The following MCTP1 variants were observed in gnomAD, a reference collection of about 807,000 sequenced individuals.
MCTP1 encodes the protein multiple C2 and transmembrane domain-containing protein 1.
Under a neutral mutation model 120.6 loss-of-function variants are expected in MCTP1, and 69 were observed. The observed-to-expected ratio is 0.57, with a 90% CI of 0.47 to 0.70. MCTP1 has a LOEUF of 0.70. Among genes scored for constraint, MCTP1 ranks in the 30% least tolerant of loss-of-function variants. The pLI, the probability that MCTP1 is intolerant of heterozygous loss-of-function variation, is 0.00. For synonymous variants in MCTP1, 529 were observed against 493.1 expected, an observed-to-expected ratio of 1.07 and a Z score of -0.96; for missense variants, 1,203 against 1,248.8, an observed-to-expected ratio of 0.96 and a Z score of 0.55.
intron 8 of MCTP1, among the ~76,000 whole-genome samples, chr5:94,913,593 A>G (rs1382254192): frequency 6.6e-6 from 1 of 152,214 alleles, no homozygotes; most frequent in Non-Finnish European, 1.5e-5. Flanking sequence ...AACTTTCATC[A>G]CAAATATTTA....
At chr5:94,999,177 C>G (rs1239127016) in intron 2 of MCTP1, among the ~76,000 whole-genome samples, 2 of 152,050 alleles carry the variant, frequency 1.3e-5, no homozygotes, top group Non-Finnish European at 2.9e-5. Flanking sequence ...TTCCTATAGG[C>G]AAAATACATA....
intron 17 of MCTP1, among the ~76,000 whole-genome samples, chr5:94,835,861 G>A (rs1179431125): frequency 2.6e-5 from 4 of 152,134 alleles, no homozygotes; most frequent in South Asian, 2.1e-4. Flanking sequence ...AAAATTAGCC[G>A]GGTGTGGTGG....
chr5:94,937,845 G>T (rs1486131008), intron 5 of MCTP1, among the ~76,000 whole-genome samples: 1 of 151,826 alleles, frequency 6.6e-6, no homozygotes, highest in Non-Finnish European at 1.5e-5. Context: ...CACCACAATC[G>T]CTGCTATATC....
rs200448737 is a variant in MCTP1, at chr5:94,986,985, A to G, written c.838+30382T>C. On this transcript the variant is annotated intron_variant, in intron 2 of 22. Transcript: ENST00000515393. ...CTACATGCATCCTCTGTATACTTCA[A>G]ATCATCTCTAGATTACTTACAATGC... 9.2e-5 allele frequency among the ~76,000 whole-genome samples: 14 copies of G among 152,256 alleles called. No individual in the cohort carries two copies. In the East Asian group the frequency reaches 1.5e-3, roughly 17 times the overall value.
chr5:94,844,157 G>C (rs1791747692), intron 17 of MCTP1, among the ~76,000 whole-genome samples: 1 of 151,904 alleles, frequency 6.6e-6, no homozygotes. Flanking sequence ...ACAAAACTTA[G>C]CAGGGTGTAG....
Position 94,759,972 on chromosome 5 carries a change from GT to G in MCTP1, c.2610+19137del, listed in dbSNP as rs369341021. Among the ~76,000 whole-genome samples, 892 of 115,408 alleles carry G rather than the reference GT, an allele frequency of 7.7e-3. 10 individuals are homozygous for G. Among genetic ancestry groups the G allele is most frequent in the South Asian group, 0.026 (89 of 3,482 alleles). The allele number at this position is 115,408 out of a possible 152,430, so 75.7% of individuals were successfully genotyped here. On this transcript the variant is annotated intron_variant, in intron 19 of 22. Coordinates refer to ENST00000515393, the MANE Select transcript of MCTP1 (RefSeq NM_024717.7). ...CTTAGCAACCATTTTACTGTTGAGG[GT>G]TTTTTTTTTTTTTTTTGGTACGAAA...
chr5:95,052,082 T>TA (rs1249530738), intron 1 of MCTP1, among the ~76,000 whole-genome samples: 2 of 152,204 alleles, frequency 1.3e-5, no homozygotes, highest in African/African-American at 4.8e-5. Flanking sequence ...GAGGGTATCC[T>TA]AAAAGCAAAG....
At chr5:95,219,000 C>T (rs957750866) in intron 1 of MCTP1, among the ~76,000 whole-genome samples, 1 of 152,154 alleles carries the variant, frequency 6.6e-6, no homozygotes, top group Non-Finnish European at 1.5e-5. Context: ...GACTGTACTT[C>T]ATCTGGTTTT....
chr5:94,849,680 G>A (rs1056520929), intron 17 of MCTP1, among the ~76,000 whole-genome samples: 6 of 152,138 alleles, frequency 3.9e-5, no homozygotes, highest in Admixed American at 2.6e-4. Context: ...TTAACAAAAA[G>A]AGGACCAGCT....
At chr5:95,046,703 T>A (rs1744636058) in intron 1 of MCTP1, among the ~76,000 whole-genome samples, 1 of 152,122 alleles carries the variant, frequency 6.6e-6, no homozygotes, top group Non-Finnish European at 1.5e-5. Context: ...CTCATCCTGA[T>A]CCTTCCTCTC....
chr5:94,867,468 T>C, intron 17 of MCTP1: 3 of 818,118 alleles, frequency 3.7e-6, no homozygotes, highest in Non-Finnish European at 6.1e-6. Flanking sequence ...TTTGTTACTA[T>C]AATTAAGGCT....
chr5:95,223,790 A>C (rs1753951813), intron 1 of MCTP1, among the ~76,000 whole-genome samples: 1 of 152,230 alleles, frequency 6.6e-6, no homozygotes, highest in Admixed American at 6.5e-5. Context: ...AGAGAGGATT[A>C]CAGTTCCCTC....
At chr5:94,835,810 C>T (rs1314016788) in intron 17 of MCTP1, among the ~76,000 whole-genome samples, 2 of 152,116 alleles carry the variant, frequency 1.3e-5, no homozygotes, top group Non-Finnish European at 2.9e-5. Flanking sequence ...CGAGACCACC[C>T]TGACTAACAT....
intron 19 of MCTP1, among the ~76,000 whole-genome samples, chr5:94,759,683 T>G (rs944300511): frequency 6.6e-6 from 1 of 152,146 alleles, no homozygotes; most frequent in African/African-American, 2.4e-5. Flanking sequence ...GAAACACAGA[T>G]GAATGCTTTT....
chr5:95,133,377 T>C (rs961270867), intron 1 of MCTP1, among the ~76,000 whole-genome samples: 6 of 152,198 alleles, frequency 3.9e-5, no homozygotes, highest in South Asian at 2.1e-4. Flanking sequence ...GCTATAACAA[T>C]ATACTGTAAT....
At chr5:95,209,130 T>C (rs562381571) in intron 1 of MCTP1, among the ~76,000 whole-genome samples, 4 of 152,306 alleles carry the variant, frequency 2.6e-5, no homozygotes, top group Admixed American at 6.5e-5. Flanking sequence ...CAAAAGGGAA[T>C]TGTATCATCC....
Position 94,871,172 on chromosome 5 carries a change from T to C in MCTP1, c.2139+143A>G, listed in dbSNP as rs1203942276. 1.3e-5 allele frequency: 9 copies of C among 680,998 alleles called. No homozygotes were observed. In the Admixed American group the frequency reaches 1.9e-4, roughly 14 times the overall value. 42.2% of individuals were successfully genotyped at this position (680,998 alleles called of 1,614,324 possible). A position where few individuals can be genotyped will look rare whatever the true frequency, so the allele number is the denominator to read the frequency against. ...CATGGGATTCAACATGGCCGTGAAT[T>C]GAGTATGTTAAAATTTTTAGTGTTC... On this transcript the variant is annotated intron_variant, in intron 14 of 22. Coordinates refer to ENST00000515393, the MANE Select transcript of MCTP1 (RefSeq NM_024717.7).
intron 19 of MCTP1, among the ~76,000 whole-genome samples, chr5:94,773,582 T>C (rs1436909466): frequency 6.6e-6 from 1 of 152,134 alleles, no homozygotes; most frequent in East Asian, 1.9e-4. Context: ...ATGCTGTTAA[T>C]AAAGACATAC....
At chr5:94,960,375 C>T (rs1327947918) in intron 2 of MCTP1, among the ~76,000 whole-genome samples, 1 of 152,114 alleles carries the variant, frequency 6.6e-6, no homozygotes, top group Non-Finnish European at 1.5e-5. Flanking sequence ...GACTTCATGA[C>T]TAAAACACCA....
Sources: allele counts gnomAD v4.1 joint callset (sites outside exome capture counted in the v4.1 genomes callset), GRCh38; gene constraint gnomAD v4.1.1; transcripts MANE v1.5; gene names NCBI Gene and HGNC (gene_info 2026-07-23, HGNC 2026-07-21).